The following DNMT1 variants were observed in gnomAD, a reference collection of about 807,000 sequenced individuals.
DNMT1 encodes the protein DNA methyltransferase 1, also known as DNA (cytosine-5)-methyltransferase 1.
A neutral mutation model predicts 205.3 loss-of-function variants in DNMT1; 24 were observed. That is an observed-to-expected ratio of 0.12 (90% confidence interval 0.08 to 0.16). The LOEUF is 0.16. Ranked by LOEUF, DNMT1 falls within the 10% of genes least tolerant of loss-of-function variation. The pLI, the probability that DNMT1 is intolerant of heterozygous loss-of-function variation, is 1.00. For synonymous variants in DNMT1, 817 were observed against 839.8 expected (o/e 0.97, Z 0.47); for missense variants, 1,293 against 2,177.7 (o/e 0.59, Z 8.09).
At position 10,180,462 on chromosome 19, in the gene DNMT1, G is replaced by A. The variant is rs770318428; in HGVS notation, c.333C>T (p.Asn111=). The A allele has an allele frequency of 6.2e-6, 10 of 1,613,966 alleles. No individual in the cohort carries two copies. The highest frequency in any genetic ancestry group is 2.7e-5 in the African/African-American group (2 of 74,884). ...CTCTACGGGCTTCACTTCTTGCTTG[G>A]TTCCCGTTTTCTAGACGTCCATTCA... is the stretch of plus-strand genomic sequence containing the variant. The part of the protein sequence containing the change: ...REVNGRLENG[N]QARSEARRVG... Residue 111 remains asparagine (N), a synonymous_variant, in exon 4 of 41, where the codon AAC becomes AAT. Transcript: ENST00000359526.
Position 10,139,826 on chromosome 19 carries a change from G to T in DNMT1, c.3807-9C>A, listed in dbSNP as rs975938332. On this transcript the variant is annotated splice_polypyrimidine_tract_variant and intron_variant, in intron 33 of 40. Transcript: ENST00000359526. ...GGTAGTAGTCGCAGTAGCTGTAGGG[G>T]GCAGGAGAGACTGCAGGAGTCACCT... 5 of 1,570,776 alleles carry T rather than the reference G, an allele frequency of 3.2e-6. 1 individual carries two copies. Among genetic ancestry groups the T allele is most frequent in the Non-Finnish European group, 4.3e-6 (5 of 1,157,834 alleles).
chr19:10,133,568 ACC>A lies in DNMT1; in HGVS notation c.*97_*98del. On this transcript the variant is annotated 3_prime_UTR_variant, in exon 41 of 41. Coordinates refer to ENST00000359526, the MANE Select transcript of DNMT1 (RefSeq NM_001130823.3). This position sits in a 1 kb window ranked among gnomAD's most constrained non-coding sequence, Gnocchi z 4.1. ...TCAGCCAAGGCCACAAACACCATGT[ACC>A]ACACATGTGAACGGACAGATTGACA... The A allele has an allele frequency of 7.1e-7, 1 of 1,399,792 alleles. No homozygotes were observed. The allele number at this position is 1,399,792 out of a possible 1,614,324, so 86.7% of individuals were successfully genotyped here.
At chr19:10,141,488 C>G (rs2089599483) in intron 30 of DNMT1, 1 of 434,286 alleles carries the variant, frequency 2.3e-6, no homozygotes, top group Non-Finnish European at 4.3e-6. Context: ...GCTACCTCAT[C>G]CATGCCTGGG....
chr19:10,143,392 T>A (rs1241094993), intron 29 of DNMT1, among the ~76,000 whole-genome samples: 1 of 151,040 alleles, frequency 6.6e-6, no homozygotes, highest in Non-Finnish European at 1.5e-5. Flanking sequence ...GTCTTTTTTT[T>A]TTTTTTTTTT....
At chr19:10,164,877 G>A (rs151032918) in intron 11 of DNMT1, among the ~76,000 whole-genome samples, 13 of 128,302 alleles carry the variant, frequency 1.0e-4, no homozygotes, top group African/African-American at 3.5e-4. Context: ...GCAGTGACTC[G>A]AGATCACACC....
chr19:10,139,565 C>G (rs2089560692), intron 34 of DNMT1, 111 bp downstream of exon 34: 1 of 1,519,140 alleles, frequency 6.6e-7, no homozygotes, highest in Middle Eastern at 2.3e-4. Flanking sequence ...CCTCTGCTGC[C>G]TGGATGGCAG....
intron 30 of DNMT1, 138 bp downstream of exon 30, chr19:10,141,890 G>C: frequency 9.9e-7 from 1 of 1,005,476 alleles, no homozygotes; most frequent in Non-Finnish European, 1.5e-6. Flanking sequence ...CTGCAGAACA[G>C]CTTCACGTCA....
chr19:10,192,784 T>A (rs1217433813), intron 1 of DNMT1, among the ~76,000 whole-genome samples: 1 of 151,738 alleles, frequency 6.6e-6, no homozygotes, highest in Non-Finnish European at 1.5e-5. Flanking sequence ...TAAGAAGTGG[T>A]TTGACTATAA....
intron 27 of DNMT1, among the ~76,000 whole-genome samples, chr19:10,147,134 T>C (rs1266875542): frequency 1.3e-5 from 2 of 151,982 alleles, no homozygotes; most frequent in Middle Eastern, 3.2e-3. Flanking sequence ...GGGTGGTGCA[T>C]GCCTGCAGTC....
At chr19:10,182,831 A>G (rs2039097054) in intron 1 of DNMT1, among the ~76,000 whole-genome samples, 1 of 150,928 alleles carries the variant, frequency 6.6e-6, no homozygotes, top group African/African-American at 2.4e-5. Context: ...AGCCTCGTTA[A>G]TTTTTTGTAT....
rs564104845 is a variant in DNMT1, at chr19:10,133,918, G to A, written c.4865-217C>T. Among the ~76,000 whole-genome samples the A allele has an allele frequency of 6.6e-6, 1 of 152,356 alleles. No individual in the cohort carries two copies. The highest frequency in any genetic ancestry group is 2.1e-4 in the South Asian group (1 of 4,832). Reference sequence around the variant, plus strand: ...CTAGACCCAGAGGCTCAAGTGAGCAGCTGAGGCAGGTGCCTGCTGAGCCAA... The same window carrying A: ...CTAGACCCAGAGGCTCAAGTGAGCAACTGAGGCAGGTGCCTGCTGAGCCAA... On this transcript the variant is annotated intron_variant, in intron 40 of 40. Coordinates refer to ENST00000359526, the MANE Select transcript of DNMT1 (RefSeq NM_001130823.3). The surrounding 1 kb of genome is among the most constrained non-coding windows in gnomAD (Gnocchi z 4.1).
At chr19:10,148,563 A>G (rs1256149936) in intron 27 of DNMT1, among the ~76,000 whole-genome samples, 1 of 152,144 alleles carries the variant, frequency 6.6e-6, no homozygotes, top group Non-Finnish European at 1.5e-5. Flanking sequence ...TACAGGAGAA[A>G]ATATCTAAGA....
chr19:10,188,807 G>C (rs2039244103), intron 1 of DNMT1, among the ~76,000 whole-genome samples: 1 of 152,146 alleles, frequency 6.6e-6, no homozygotes, highest in Non-Finnish European at 1.5e-5. Context: ...TAAAGGTAGA[G>C]GAAGGGGGCA....
rs143018865 is a variant in DNMT1 at position 10,144,551 on chromosome 19, T to C, written c.2895-564A>G. 6.1e-3 allele frequency: 1,070 copies of C among 175,822 alleles called. 4 individuals carry two copies. Among genetic ancestry groups the C allele is most frequent in the Non-Finnish European group, 9.9e-3 (804 of 81,418 alleles). 10.9% of individuals were successfully genotyped at this position (175,822 alleles called of 1,614,324 possible). On this transcript the variant is annotated intron_variant, in intron 28 of 40. Transcript: ENST00000359526. ...CCTGCCTCCCGACTACTTGGCATCT[T>C]GTGTTTCCTGGCATGTGACGTGGGC...
chr19:10,137,686 C>G lies in DNMT1; in HGVS notation c.4293+146G>C. The G allele has an allele frequency of 8.7e-7, 1 of 1,143,998 alleles. No individual in the cohort carries two copies. The highest frequency in any genetic ancestry group is 1.3e-6 in the Non-Finnish European group (1 of 789,508). The allele number at this position is 1,143,998 out of a possible 1,614,324, so 70.9% of individuals were successfully genotyped here. ...CTTCCCATGACCATGCAAGAGAGACCAGGGGTCACACAAAGGCTGAGGACT... is the reference window on the plus strand; with the variant it reads ...CTTCCCATGACCATGCAAGAGAGACGAGGGGTCACACAAAGGCTGAGGACT... On this transcript the variant is annotated intron_variant, in intron 36 of 40. Coordinates refer to ENST00000359526, the MANE Select transcript of DNMT1 (RefSeq NM_001130823.3). This position sits in a 1 kb window ranked among gnomAD's most constrained non-coding sequence, Gnocchi z 6.4.
At chr19:10,168,894 G>A (rs2038747702) in intron 9 of DNMT1, among the ~76,000 whole-genome samples, 1 of 152,158 alleles carries the variant, frequency 6.6e-6, no homozygotes, top group East Asian at 1.9e-4. Flanking sequence ...CTGGAGTGCA[G>A]TGGTGTACTC....
chr19:10,165,506 CCT>C (rs1340215211), intron 11 of DNMT1, among the ~76,000 whole-genome samples: 1 of 152,202 alleles, frequency 6.6e-6, no homozygotes. Flanking sequence ...GATTCTCCTA[CCT>C]CAGCCTCCCA....
At chr19:10,148,720 A>G (rs1415814027) in intron 27 of DNMT1, among the ~76,000 whole-genome samples, 164 bp downstream of exon 27, 1 of 152,106 alleles carries the variant, frequency 6.6e-6, no homozygotes, top group African/African-American at 2.4e-5. Context: ...ACTCCAGGCC[A>G]TCTACACACT....
chr19:10,175,445 G>A, intron 7 of DNMT1, 95 bp downstream of exon 7: 1 of 1,451,634 alleles, frequency 6.9e-7, no homozygotes, highest in Non-Finnish European at 9.6e-7. Context: ...GCCCTAGACA[G>A]GGTTTTTATT....
Sources: allele counts gnomAD v4.1 joint callset (sites outside exome capture counted in the v4.1 genomes callset), GRCh38; gene constraint gnomAD v4.1.1; non-coding constraint Gnocchi (gnomAD v3.1); transcripts MANE v1.5; gene names NCBI Gene and HGNC (gene_info 2026-07-23, HGNC 2026-07-21).